Variants in CCAR2 observed in about 807,000 individuals in gnomAD.
CCAR2 encodes the protein cell cycle and apoptosis regulator 2.
CCAR2 carries 21 observed loss-of-function variants against 108.1 expected under a neutral mutation model. The ratio of observed to expected loss-of-function variants is 0.19; its 90% CI spans 0.14 to 0.28. The LOEUF (loss-of-function observed/expected upper bound fraction) is 0.28. CCAR2 is among the 10% of genes least tolerant of loss of function. The pLI is 1.00. For missense variants in CCAR2, 1,126 were observed against 1,177.0 expected, an observed-to-expected ratio of 0.96 and a Z score of 0.63; for synonymous variants, 577 against 472.8, an observed-to-expected ratio of 1.22 and a Z score of -2.86.
In CCAR2 at chr8:22,617,917, T is replaced by TGGAA. The variant is rs1277493912; in HGVS notation, c.2073+142_2073+145dup. ...AACACACAGTGTGGTCCTTGGCTCA[T>TGGAA]GGAAGGGCACGTTCATAGGCTCCAG... On this transcript the variant is annotated intron_variant, in intron 16 of 20. Transcript: ENST00000308511. 3.6e-6 allele frequency: 3 copies of TGGAA among 834,390 alleles called. No homozygotes were observed. In the Admixed American group the frequency reaches 7.2e-5, roughly 20 times the overall value. 51.7% of individuals were successfully genotyped at this position (834,390 alleles called of 1,614,324 possible).
intron 10 of CCAR2, 96 bp from the exon 11 acceptor site, chr8:22,614,742 C>CGGCTGCCTTCATCCTGATGGGT (rs1554561210): frequency 8.9e-5 from 134 of 1,497,620 alleles, no homozygotes; most frequent in African/African-American, 3.8e-4. Context: ...TCCCCACTTC[C>CGGCTGCCTTCATCCTGATGGGT]GGCTGCCTTC....
chr8:22,612,806 T>A (rs1801342021), intron 7 of CCAR2: 5 of 506,432 alleles, frequency 9.9e-6, no homozygotes, highest in Non-Finnish European at 1.7e-5. Context: ...TGTTGCAGAG[T>A]GTGCTTTTTG....
intron 7 of CCAR2, among the ~76,000 whole-genome samples, chr8:22,609,769 G>A (rs1201774886): frequency 6.6e-6 from 1 of 152,136 alleles, no homozygotes; most frequent in Non-Finnish European, 1.5e-5. Context: ...CTGCTTTACG[G>A]TTAATTTCAG....
Position 22,618,652 on chromosome 8 carries a change from C to T in CCAR2, c.2256C>T (p.Asn752=), listed in dbSNP as rs765585516. The T allele has an allele frequency of 2.5e-6, 4 of 1,614,012 alleles. No individual in the cohort carries two copies. The highest frequency in any genetic ancestry group is 2.2e-5 in the South Asian group (2 of 91,092). ...TGGTCAGCAGGGTGGTGACCCAGAA[C>T]ATCTGCCAGTACCGGAGCCTTCAGT... ...KQLVSRVVTQ[N]ICQYRSLQYS... is the part of the protein sequence containing the mutation. Residue 752 remains asparagine, a synonymous_variant, in exon 18 of 21, where the codon AAC becomes AAT. Coordinates refer to ENST00000308511, the MANE Select transcript of CCAR2 (RefSeq NM_001393997.1).
chr8:22,617,456 G>C lies in CCAR2; in HGVS notation c.1882G>C (p.Gly628Arg). 8.8e-6 allele frequency: 14 copies of C among 1,597,844 alleles called. No homozygotes were observed. Among genetic ancestry groups the C allele is most frequent in the Admixed American group, 5.2e-5 (3 of 57,168 alleles). ...GCTTTTGCCCAAACCACTCTCTTCT[G>C]GGGGAGAGGAAGAAGAAAAACCCCG... Reference protein sequence around the residue: ...DGLLPKPLSSGGEEEEKPRGE... With the variant: ...DGLLPKPLSSRGEEEEKPRGE... The change falls in exon 15 of 21, where the codon GGG becomes CGG. Residue 628 changes from glycine to arginine, a missense_variant. Transcript: ENST00000308511.
At chr8:22,621,446 G>A (rs199884901), downstream of CCAR2, 112 of 1,613,632 alleles carry the variant, frequency 6.9e-5, 1 homozygote, top group African/African-American at 1.3e-3. Context: ...CAATGGAGAG[G>A]GCCCGGAGCT....
chr8:22,606,047 A>T, intron 2 of CCAR2, 38 bp from the exon 3 acceptor site: 1 of 1,559,260 alleles, frequency 6.4e-7, no homozygotes, highest in South Asian at 1.1e-5. Flanking sequence ...TTAAGGTGGT[A>T]GGGGCGGTTC....
intron 3 of CCAR2, 155 bp from the exon 4 acceptor site, chr8:22,606,452 A>G (rs746813477): frequency 4.5e-6 from 3 of 661,606 alleles, no homozygotes; most frequent in Non-Finnish European, 5.4e-6. Flanking sequence ...ACCCCTAATG[A>G]TGGAGTATGC....
At chr8:22,617,261 C>T in intron 14 of CCAR2, 159 bp from the exon 15 acceptor site, 1 of 834,152 alleles carries the variant, frequency 1.2e-6, no homozygotes. Context: ...TGCTCTGAAT[C>T]CCACTTAATG....
intron 1 of CCAR2, 107 bp downstream of exon 1, chr8:22,604,949 G>A (rs1274140636): frequency 5.7e-6 from 2 of 349,140 alleles, no homozygotes; most frequent in African/African-American, 4.6e-5. Context: ...GGGCGCGGAA[G>A]GGGCCGAGCC....
At chr8:22,610,121 T>C (rs1344408445) in intron 7 of CCAR2, among the ~76,000 whole-genome samples, 3 of 152,190 alleles carry the variant, frequency 2.0e-5, no homozygotes, top group African/African-American at 7.2e-5. Flanking sequence ...ATACTCAACC[T>C]ATACTACCAT....
intron 7 of CCAR2, 57 bp downstream of exon 7, chr8:22,608,122 TTTA>T (rs1248175157): frequency 2.3e-5 from 31 of 1,361,026 alleles, no homozygotes; most frequent in African/African-American, 2.9e-5. Flanking sequence ...TTCTCTTTAT[TTTA>T]TTATTATTTT....
At position 22,619,935 on chromosome 8, in the gene CCAR2, GCCCT is replaced by G; in HGVS notation, c.*255_*258del. 3.7e-6 allele frequency: 2 copies of G among 541,734 alleles called. No individual in the cohort carries two copies. Among genetic ancestry groups the G allele is most frequent in the Non-Finnish European group, 6.6e-6 (2 of 300,766 alleles). 33.6% of individuals were successfully genotyped at this position (541,734 alleles called of 1,614,324 possible). A position where few individuals can be genotyped will look rare whatever the true frequency, so the allele number is the denominator to read the frequency against. On this transcript the variant is annotated 3_prime_UTR_variant, in exon 21 of 21. Transcript: ENST00000308511. ...TTTTGCACCCCTAGAATGTCATTTT[GCCCT>G]CAACCTTGGTATTTCTCCTGGGGCC...
Position 22,606,900 on chromosome 8 carries a change from G to T in CCAR2, c.243-10G>T. On this transcript the variant is annotated splice_polypyrimidine_tract_variant and intron_variant, in intron 4 of 20. Coordinates refer to ENST00000308511, the MANE Select transcript of CCAR2 (RefSeq NM_001393997.1). ...CTTCTGATGGGGCCTTCTGGCTTGTGTGCTGACAGTGTGGTGAAGGGCCGT... is the reference window on the plus strand; with the variant it reads ...CTTCTGATGGGGCCTTCTGGCTTGTTTGCTGACAGTGTGGTGAAGGGCCGT... 2 of 1,613,892 alleles carry T rather than the reference G, an allele frequency of 1.2e-6. No individual in the cohort carries two copies. The highest frequency in any genetic ancestry group is 1.7e-6 in the Non-Finnish European group (2 of 1,179,850).
rs959150626 is a variant in CCAR2 at position 22,612,584 on chromosome 8, G to A, written c.585-433G>A. ...CCCGGCCAAATTTACTTTAAAGGAC[G>A]CATAGCATGGATCCATATATGCGTC... On this transcript the variant is annotated intron_variant, in intron 7 of 20. Transcript: ENST00000308511. 9.8e-5 allele frequency: 15 copies of A among 153,114 alleles called. No individual in the cohort carries two copies. The East Asian group carries it at 2.9e-3, about 29-fold the overall frequency. 9.5% of individuals were successfully genotyped at this position (153,114 alleles called of 1,614,324 possible). A position where few individuals can be genotyped will look rare whatever the true frequency, so the allele number is the denominator to read the frequency against.
intron 7 of CCAR2, among the ~76,000 whole-genome samples, chr8:22,611,278 T>C (rs1166550262): frequency 6.6e-6 from 1 of 151,300 alleles, no homozygotes; most frequent in East Asian, 1.9e-4. Context: ...GGAGAATTGC[T>C]TGAACCCGGG....
chr8:22,605,654 C>T (rs1297853005), intron 1 of CCAR2, 82 bp from the exon 2 acceptor site: 7 of 793,756 alleles, frequency 8.8e-6, no homozygotes, highest in African/African-American at 1.7e-5. Flanking sequence ...CCGAAATATC[C>T]TTACTTAAGA....
In CCAR2 at chr8:22,617,438, C is replaced by G; in HGVS notation, c.1864C>G (p.Pro622Ala). Residue 622 changes from proline to alanine, a missense_variant, in exon 15 of 21, where the codon CCC (proline) becomes GCC (alanine). By Grantham distance (27) the Pro-to-Ala change is conservative (BLOSUM62 -1). This residue lies in a region of CCAR2 where 1,013 missense variants were observed against 993.9 expected (regional missense o/e 1.02). Transcript: ENST00000308511. ...TCTGTAGAAGGAGGATGGGCTTTTG[C>G]CCAAACCACTCTCTTCTGGGGGAGA... Reference protein sequence around the residue: ...EAPLKEDGLLPKPLSSGGEEE... With the variant: ...EAPLKEDGLLAKPLSSGGEEE... 1 of 1,562,846 alleles carries G rather than the reference C, an allele frequency of 6.4e-7. No individual in the cohort carries two copies. Among genetic ancestry groups the G allele is most frequent in the African/African-American group, 1.4e-5 (1 of 72,574 alleles).
chr8:22,608,471 T>C (rs978332344), intron 7 of CCAR2, among the ~76,000 whole-genome samples: 1 of 152,248 alleles, frequency 6.6e-6, no homozygotes, highest in African/African-American at 2.4e-5. Context: ...AAAACGTTTC[T>C]TTATAGACAC....
Sources: allele counts gnomAD v4.1 joint callset (sites outside exome capture counted in the v4.1 genomes callset), GRCh38; gene constraint gnomAD v4.1.1; regional missense constraint gnomAD v4.1.1; transcripts MANE v1.5; gene names NCBI Gene and HGNC (gene_info 2026-07-23, HGNC 2026-07-21).